TENM2: variants seen among roughly 807,000 people sequenced by gnomAD.
TENM2 encodes the protein teneurin transmembrane protein 2.
Under a neutral mutation model 245.2 loss-of-function variants are expected in TENM2, and 52 were observed. The observed-to-expected ratio is 0.21, with a 90% CI of 0.17 to 0.27. The LOEUF (loss-of-function observed/expected upper bound fraction) is 0.27, where lower values mean the gene tolerates loss of function less well. Among genes scored for constraint, TENM2 ranks in the 10% least tolerant of loss-of-function variants. The pLI, the probability that TENM2 is intolerant of heterozygous loss-of-function variation, is 1.00. For missense variants in TENM2, 3,046 were observed against 3,666.8 expected (o/e 0.83, Z 4.37); for synonymous variants, 1,363 against 1,438.9 (o/e 0.95, Z 1.19).
chr5:167,555,402 A>T (rs1455634784), intron 2 of TENM2, among the ~76,000 whole-genome samples: 1 of 152,172 alleles, frequency 6.6e-6, no homozygotes, highest in Non-Finnish European at 1.5e-5. Context: ...TCAAAAATTC[A>T]TATTCAATAT....
chr5:168,131,605 A>G (rs912670924), intron 12 of TENM2, among the ~76,000 whole-genome samples: 11 of 152,228 alleles, frequency 7.2e-5, no homozygotes, highest in African/African-American at 2.4e-4. Flanking sequence ...GTCACAGTCC[A>G]AGAGGGAGAG....
At chr5:167,840,150 C>A (rs1404380004) in intron 2 of TENM2, among the ~76,000 whole-genome samples, 1 of 152,210 alleles carries the variant, frequency 6.6e-6, no homozygotes, top group Non-Finnish European at 1.5e-5. Context: ...GCCAACCCAG[C>A]AAATGCTTTG....
chr5:168,067,536 T>C (rs150007139), intron 7 of TENM2, among the ~76,000 whole-genome samples: 78 of 152,292 alleles, frequency 5.1e-4, no homozygotes, highest in African/African-American at 1.9e-3. Context: ...TGGTGATTAG[T>C]GGTATTAGTC....
intron 2 of TENM2, among the ~76,000 whole-genome samples, chr5:167,377,365 G>C (rs777206556): frequency 1.1e-4 from 17 of 152,126 alleles, no homozygotes; most frequent in Admixed American, 6.5e-4. Context: ...AGAATTACAT[G>C]AAGAGAAATG....
At chr5:167,043,990 A>T in the TENM2 span, among the ~76,000 whole-genome samples, 1 of 150,118 alleles carries the variant, frequency 6.7e-6, no homozygotes, top group African/African-American at 2.5e-5. Flanking sequence ...ACTGCACTCC[A>T]GCCTGGTGAC....
chr5:168,167,731 T>C (rs1389439286), intron 13 of TENM2, among the ~76,000 whole-genome samples: 4 of 152,212 alleles, frequency 2.6e-5, no homozygotes, highest in Non-Finnish European at 4.4e-5. Flanking sequence ...ATCATCATAA[T>C]TGATTGAGGG....
intron 1 of TENM2, among the ~76,000 whole-genome samples, chr5:167,324,996 C>T (rs1165888794): frequency 6.6e-6 from 1 of 152,126 alleles, no homozygotes; most frequent in African/African-American, 2.4e-5. Flanking sequence ...GCAGGCCCTA[C>T]TGGGTATTAG....
At chr5:167,646,091 C>CAT (rs553302658) in intron 2 of TENM2, among the ~76,000 whole-genome samples, 4 of 148,860 alleles carry the variant, frequency 2.7e-5, no homozygotes, top group Non-Finnish European at 3.0e-5. Flanking sequence ...TCCAACACAA[C>CAT]ATATATATAT....
rs1335331931 is a variant in TENM2 at position 168,236,989 on chromosome 5, TATATATATATA to T, written c.5521-7430_5521-7420del. 3.2e-3 allele frequency among the ~76,000 whole-genome samples: 17 copies of T among 5,362 alleles called. 1 individual carries two copies. The highest frequency in any genetic ancestry group is 6.8e-3 in the East Asian group (1 of 148). 3.5% of individuals were successfully genotyped at this position (5,362 alleles called of 152,430 possible). A position where few individuals can be genotyped will look rare whatever the true frequency, so the allele number is the denominator to read the frequency against. On this transcript the variant is annotated intron_variant, in intron 25 of 28. Transcript: ENST00000518659. ...ATATATATATATATATATATATATA[TATATATATATA>T]TTTTTTTTTTTTTTTTTTTTTTTTT...
intron 2 of TENM2, among the ~76,000 whole-genome samples, chr5:167,613,597 A>G (rs529328317): frequency 6.6e-6 from 1 of 152,224 alleles, no homozygotes; most frequent in South Asian, 2.1e-4. Context: ...TGACACTAGG[A>G]ACCAGCCCAG....
rs1318243710 is a variant in TENM2 at position 167,595,776 on chromosome 5, CT to C, written c.502+220304del. Among the ~76,000 whole-genome samples, 5 of 152,268 alleles carry C rather than the reference CT, an allele frequency of 3.3e-5. No individual in the cohort carries two copies. In the South Asian group the frequency reaches 1.0e-3, roughly 32 times the overall value. ...GGGTTGGTAAGAGTATTTGCACTTA[CT>C]GTTTGTAATGTACAAATAGATCCTT... On this transcript the variant is annotated intron_variant, in intron 2 of 28. Coordinates refer to ENST00000518659, the Ensembl canonical transcript of TENM2.
Position 167,902,414 on chromosome 5 carries a change from G to A in TENM2, c.712+26219G>A, listed in dbSNP as rs143646368. Among the ~76,000 whole-genome samples, 156 of 152,280 alleles carry A rather than the reference G, an allele frequency of 1.0e-3. 1 individual carries two copies. Among genetic ancestry groups the A allele is most frequent in the African/African-American group, 3.5e-3 (146 of 41,548 alleles). On this transcript the variant is annotated intron_variant, in intron 3 of 28. Transcript: ENST00000518659. ...CATTGGTGCAGTTGGTTGCCTTGTCGTTTTAATTACCTTACTCTTCTCAAG... is the reference window on the plus strand; with the variant it reads ...CATTGGTGCAGTTGGTTGCCTTGTCATTTTAATTACCTTACTCTTCTCAAG...
At chr5:167,037,843 C>T in the TENM2 span, among the ~76,000 whole-genome samples, 2 of 152,206 alleles carry the variant, frequency 1.3e-5, no homozygotes, top group East Asian at 3.9e-4. Context: ...ACTCAGGTCT[C>T]CTGCAGTCTC....
chr5:167,023,914 A>C, the TENM2 span, among the ~76,000 whole-genome samples: 1 of 152,218 alleles, frequency 6.6e-6, no homozygotes, highest in Admixed American at 6.5e-5. Context: ...TACTTATAAA[A>C]GCAAATTATT....
At chr5:167,305,191 A>C (rs1019808632) in intron 1 of TENM2, among the ~76,000 whole-genome samples, 1 of 152,142 alleles carries the variant, frequency 6.6e-6, no homozygotes, top group Non-Finnish European at 1.5e-5. Flanking sequence ...GTTTGCCTGA[A>C]TCTCCCACTC....
intron 2 of TENM2, among the ~76,000 whole-genome samples, chr5:167,802,652 T>G (rs935481099): frequency 6.6e-6 from 1 of 152,140 alleles, no homozygotes; most frequent in Non-Finnish European, 1.5e-5. Context: ...CCTCACAGCT[T>G]GAGGAAATTA....
At chr5:167,238,393 G>C in the TENM2 span, among the ~76,000 whole-genome samples, 47 of 152,122 alleles carry the variant, frequency 3.1e-4, no homozygotes, top group African/African-American at 1.1e-3. Flanking sequence ...TAGTTATGAA[G>C]CCTCAAATCT....
intron 2 of TENM2, among the ~76,000 whole-genome samples, chr5:167,448,969 T>A (rs906912619): frequency 6.6e-6 from 1 of 152,162 alleles, no homozygotes; most frequent in Non-Finnish European, 1.5e-5. Flanking sequence ...GTGTCCTTAC[T>A]GTTTTTAACC....
At chr5:167,964,928 A>T (rs1781279226) in intron 4 of TENM2, among the ~76,000 whole-genome samples, 1 of 152,058 alleles carries the variant, frequency 6.6e-6, no homozygotes, top group African/African-American at 2.4e-5. Context: ...AATAAGATAC[A>T]CTCTGCTTTT....
Sources: allele counts gnomAD v4.1 joint callset (sites outside exome capture counted in the v4.1 genomes callset), GRCh38; gene constraint gnomAD v4.1.1; transcripts MANE v1.5; gene names NCBI Gene and HGNC (gene_info 2026-07-23, HGNC 2026-07-21).